NRXN3: variants seen among roughly 807,000 people sequenced by gnomAD.
The protein encoded by NRXN3 is neurexin 3, also known as neurexin III.
In NRXN3, 32 loss-of-function variants were observed where a neutral mutation model predicts 137.6. The observed-to-expected ratio is 0.23, with a 90% CI of 0.18 to 0.31. NRXN3 has a LOEUF of 0.31. Among genes scored for constraint, NRXN3 ranks in the 10% least tolerant of loss-of-function variants. The probability of loss-of-function intolerance (pLI) is 1.00; values close to 1 mark genes in which losing one functional copy is unlikely to be tolerated. For synonymous variants in NRXN3, 798 were observed against 784.5 expected, an observed-to-expected ratio of 1.02 and a Z score of -0.29; for missense variants, 1,574 against 2,062.5, an observed-to-expected ratio of 0.76 and a Z score of 4.59.
intron 10 of NRXN3, among the ~76,000 whole-genome samples, chr14:78,868,535 CAT>C (rs1423742893): frequency 2.0e-5 from 3 of 151,790 alleles, no homozygotes; most frequent in African/African-American, 7.3e-5. Context: ...CTACTTGAAA[CAT>C]AGGCCAGGGC....
intron 4 of NRXN3, among the ~76,000 whole-genome samples, chr14:78,334,248 G>C (rs1214809637): frequency 6.6e-6 from 1 of 152,108 alleles, no homozygotes; most frequent in African/African-American, 2.4e-5. Context: ...CAGGGGAGAG[G>C]GTCAGGCTGG....
At chr14:79,729,124 CATTAAT>C (rs2098911132) in intron 19 of NRXN3, among the ~76,000 whole-genome samples, 1 of 152,170 alleles carries the variant, frequency 6.6e-6, no homozygotes, top group African/African-American at 2.4e-5. Context: ...GTGTCTGTAT[CATTAAT>C]ATTTATTGTA....
chr14:78,987,997 T>G (rs1167047647), intron 14 of NRXN3, 25 bp from the exon 15 acceptor site: 1 of 1,593,376 alleles, frequency 6.3e-7, no homozygotes, highest in Non-Finnish European at 8.5e-7. Flanking sequence ...TTTTCTTTTT[T>G]TCCCCTCTTC....
chr14:78,451,701 T>C (rs545648216), intron 4 of NRXN3, among the ~76,000 whole-genome samples: 3 of 152,314 alleles, frequency 2.0e-5, no homozygotes, highest in South Asian at 4.2e-4. Context: ...GGCATTTGTA[T>C]TTTAAGAGTC....
intron 19 of NRXN3, among the ~76,000 whole-genome samples, chr14:79,764,623 C>CATTTTTTT (rs1400409003): frequency 6.6e-6 from 1 of 152,060 alleles, no homozygotes; most frequent in Non-Finnish European, 1.5e-5. Context: ...TCTATTCCTT[C>CATTTTTTT]ATTTTTTTTT....
chr14:78,568,075 G>A (rs928976048), intron 4 of NRXN3, among the ~76,000 whole-genome samples: 2 of 152,192 alleles, frequency 1.3e-5, no homozygotes, highest in South Asian at 2.1e-4. Flanking sequence ...GGGTAGAGGG[G>A]ATTTTGGAGA....
At chr14:79,226,651 A>G (rs1310768511) in intron 15 of NRXN3, among the ~76,000 whole-genome samples, 3 of 152,152 alleles carry the variant, frequency 2.0e-5, no homozygotes, top group African/African-American at 7.2e-5. Context: ...TAAGAGGCAC[A>G]TTACTGGTAA....
chr14:79,134,027 A>G (rs12880107), intron 15 of NRXN3, among the ~76,000 whole-genome samples: 75,215 of 151,832 alleles, frequency 0.5, 21,475 homozygotes, highest in East Asian at 0.77. Context: ...TGGTGTCCTC[A>G]TTCCGTATCT....
At chr14:79,193,521 G>A (rs2064706559) in intron 15 of NRXN3, among the ~76,000 whole-genome samples, 2 of 152,182 alleles carry the variant, frequency 1.3e-5, no homozygotes, top group East Asian at 1.9e-4. Flanking sequence ...TTAAACTTAC[G>A]TTGCAGTCAA....
chr14:79,084,302 A>G (rs1411605713), intron 15 of NRXN3, among the ~76,000 whole-genome samples: 1 of 152,196 alleles, frequency 6.6e-6, no homozygotes, highest in Non-Finnish European at 1.5e-5. Flanking sequence ...GTTAAAATTC[A>G]TAGAACTATA....
intron 1 of NRXN3, among the ~76,000 whole-genome samples, chr14:78,215,763 CA>C (rs1243253444): frequency 7.3e-5 from 2 of 27,352 alleles, no homozygotes; most frequent in African/African-American, 4.1e-4. Context: ...GTTTGTGCTG[CA>C]GGGGGGTGGG....
chr14:79,405,442 T>G (rs901451341), intron 15 of NRXN3, among the ~76,000 whole-genome samples: 4 of 152,126 alleles, frequency 2.6e-5, no homozygotes, highest in Non-Finnish European at 5.9e-5. Context: ...AAACTCATTC[T>G]TGGTGACATA....
chr14:79,227,690 C>G (rs1486053287), intron 15 of NRXN3, among the ~76,000 whole-genome samples: 1 of 151,908 alleles, frequency 6.6e-6, no homozygotes, highest in Non-Finnish European at 1.5e-5. Context: ...TCTCTGCTTT[C>G]TTTTCTCTCT....
intron 20 of NRXN3, among the ~76,000 whole-genome samples, chr14:79,822,929 G>T (rs992378979): frequency 6.6e-6 from 1 of 152,208 alleles, no homozygotes. Flanking sequence ...TCTAAGGACT[G>T]TGTGGAAAGA....
chr14:79,427,531 G>T (rs536633890), intron 15 of NRXN3, among the ~76,000 whole-genome samples: 58 of 152,254 alleles, frequency 3.8e-4, no homozygotes, highest in African/African-American at 1.3e-3. Context: ...AAAAATTAAA[G>T]TCTGGACGCA....
In NRXN3 at chr14:78,364,871, A is replaced by G. The variant is rs140402283; in HGVS notation, c.757+67011A>G. Among the ~76,000 whole-genome samples, 377 of 152,358 alleles carry G rather than the reference A, an allele frequency of 2.5e-3. 5 individuals are homozygous for G. The highest frequency in any genetic ancestry group is 8.7e-3 in the African/African-American group (362 of 41,590). ...TGATTTGAGTTCTTTGTCCAGCCACATTCCACGGTGAAAACACTAAAGGTA... is the reference window on the plus strand; with the variant it reads ...TGATTTGAGTTCTTTGTCCAGCCACGTTCCACGGTGAAAACACTAAAGGTA... On this transcript the variant is annotated intron_variant, in intron 4 of 20. Coordinates refer to ENST00000335750, the MANE Select transcript of NRXN3 (RefSeq NM_001330195.2).
chr14:79,535,736 G>GCT (rs2097205149), intron 16 of NRXN3, among the ~76,000 whole-genome samples: 1 of 152,112 alleles, frequency 6.6e-6, no homozygotes, highest in African/African-American at 2.4e-5. Flanking sequence ...AGGTAAAATT[G>GCT]AACAGCTACT....
At chr14:79,453,074 G>GTTTT (rs1241428357) in intron 15 of NRXN3, among the ~76,000 whole-genome samples, 1 of 152,078 alleles carries the variant, frequency 6.6e-6, no homozygotes, top group Non-Finnish European at 1.5e-5. Context: ...GACTATCTTT[G>GTTTT]TTTTAAGAAG....
At chr14:79,613,419 C>T (rs2098124092) in intron 16 of NRXN3, among the ~76,000 whole-genome samples, 2 of 152,232 alleles carry the variant, frequency 1.3e-5, no homozygotes, top group Admixed American at 6.5e-5. Flanking sequence ...AGCTGCCTCT[C>T]TCCTGTCTAT....
Sources: allele counts gnomAD v4.1 joint callset (sites outside exome capture counted in the v4.1 genomes callset), GRCh38; gene constraint gnomAD v4.1.1; transcripts MANE v1.5; gene names NCBI Gene and HGNC (gene_info 2026-07-23, HGNC 2026-07-21).